Variants in ANKS1A observed in about 807,000 individuals in gnomAD.
ANKS1A encodes the protein ankyrin repeat and SAM domain-containing protein 1A.
A neutral mutation model predicts 120.3 loss-of-function variants in ANKS1A; 55 were observed. The ratio of observed to expected loss-of-function variants is 0.46; its 90% confidence interval spans 0.37 to 0.57. The LOEUF (loss-of-function observed/expected upper bound fraction) is 0.57. ANKS1A is among the 20% of genes least tolerant of loss of function. The pLI, the probability that ANKS1A is intolerant of heterozygous loss-of-function variation, is 0.00. For synonymous variants in ANKS1A, 590 were observed against 604.7 expected, an observed-to-expected ratio of 0.98 and a Z score of 0.36; for missense variants, 1,123 against 1,480.3, an observed-to-expected ratio of 0.76 and a Z score of 3.96.
intron 3 of ANKS1A, 57 bp from the exon 4 acceptor site, chr6:34,981,633 G>C (rs1453603780): frequency 2.5e-6 from 4 of 1,571,668 alleles, no homozygotes; most frequent in Non-Finnish European, 2.6e-6. Context: ...GGTTGTCCCA[G>C]TCAGGTGCCT....
At chr6:35,097,198 C>T in the ANKS1A span, among the ~76,000 whole-genome samples, 1 of 152,164 alleles carries the variant, frequency 6.6e-6, no homozygotes, top group South Asian at 2.1e-4. Flanking sequence ...TAATAGTCTA[C>T]AAGAAAAAGA....
intron 13 of ANKS1A, among the ~76,000 whole-genome samples, chr6:35,066,238 G>A (rs897995581): frequency 5.9e-5 from 9 of 152,222 alleles, no homozygotes; most frequent in Non-Finnish European, 1.2e-4. Context: ...GGAAGGTGGT[G>A]TTTTTCTGAA....
At chr6:34,991,675 TATATATACATATATACACATATATATAC>T (rs1227168216) in intron 9 of ANKS1A, among the ~76,000 whole-genome samples, 13 of 111,042 alleles carry the variant, frequency 1.2e-4, no homozygotes, top group African/African-American at 4.3e-4. Flanking sequence ...TATATACACA[TATATATACATATATACACATATATATAC>T]ATATATACAC....
chr6:35,010,398 A>C (rs770533940), intron 10 of ANKS1A, among the ~76,000 whole-genome samples: 5 of 152,226 alleles, frequency 3.3e-5, no homozygotes, highest in Non-Finnish European at 7.3e-5. Flanking sequence ...CTCATGGTTC[A>C]AGATGGCTAT....
chr6:35,028,856 A>G (rs190366121), intron 11 of ANKS1A, among the ~76,000 whole-genome samples: 1 of 152,358 alleles, frequency 6.6e-6, no homozygotes, highest in East Asian at 1.9e-4. Flanking sequence ...CATGTTACCA[A>G]GCTTTTACTG....
In ANKS1A at chr6:35,054,184, A is replaced by ATTT. The variant is rs761911795; in HGVS notation, c.2077+21_2077+23dup. ...ATCTCAGGTACCGTACTAAGTGGCC[A>ATTT]TTTTCCCCACAGAAACTGGCAGTCT... On this transcript the variant is annotated intron_variant, in intron 12 of 23. Coordinates refer to ENST00000360359, the MANE Select transcript of ANKS1A (RefSeq NM_015245.3). 1 of 1,612,414 alleles carries ATTT rather than the reference A, an allele frequency of 6.2e-7. No individual in the cohort carries two copies. The highest frequency in any genetic ancestry group is 8.5e-7 in the Non-Finnish European group (1 of 1,178,678).
chr6:35,014,958 G>A (rs1773927585), intron 10 of ANKS1A, among the ~76,000 whole-genome samples: 1 of 152,204 alleles, frequency 6.6e-6, no homozygotes, highest in Admixed American at 6.5e-5. Flanking sequence ...GCCCCACCAT[G>A]CAACATCACT....
At chr6:34,896,021 C>T (rs1485726804) in intron 1 of ANKS1A, among the ~76,000 whole-genome samples, 4 of 150,606 alleles carry the variant, frequency 2.7e-5, no homozygotes, top group African/African-American at 4.9e-5. Context: ...CCTCAGCCTC[C>T]GGAAGTGCTA....
chr6:34,981,599 T>G, intron 3 of ANKS1A, 91 bp from the exon 4 acceptor site: 1 of 1,404,056 alleles, frequency 7.1e-7, no homozygotes, highest in Non-Finnish European at 9.7e-7. Context: ...TTTTTCTCAT[T>G]TAAACTTCAG....
At chr6:35,071,816 G>A (rs1031161332) in intron 13 of ANKS1A, among the ~76,000 whole-genome samples, 1 of 152,196 alleles carries the variant, frequency 6.6e-6, no homozygotes, top group Non-Finnish European at 1.5e-5. Context: ...GCCTTCCTGC[G>A]GTCCTGCCAT....
At chr6:34,985,393 C>A in intron 8 of ANKS1A, 115 bp downstream of exon 8, 1 of 1,033,384 alleles carries the variant, frequency 9.7e-7, no homozygotes, top group Non-Finnish European at 1.4e-6. Flanking sequence ...GTTTCCGGGG[C>A]CTGGAGCCCA....
chr6:34,953,488 G>GT (rs1200422069), intron 1 of ANKS1A, among the ~76,000 whole-genome samples: 2 of 152,252 alleles, frequency 1.3e-5, no homozygotes, highest in African/African-American at 4.8e-5. Flanking sequence ...GGAAATGTCT[G>GT]TTTTTTAAAA....
At chr6:35,059,876 G>A (rs1006150239) in intron 12 of ANKS1A, among the ~76,000 whole-genome samples, 6 of 152,178 alleles carry the variant, frequency 3.9e-5, no homozygotes, top group Non-Finnish European at 4.4e-5. Context: ...ATGTGCAGCC[G>A]TGGCCCTGGA....
At chr6:34,969,009 T>C (rs1771042030) in intron 2 of ANKS1A, among the ~76,000 whole-genome samples, 1 of 152,244 alleles carries the variant, frequency 6.6e-6, no homozygotes, top group Non-Finnish European at 1.5e-5. Flanking sequence ...TTCCCATATA[T>C]AGTGGGGTAA....
chr6:35,024,564 G>A (rs138284756), intron 11 of ANKS1A, among the ~76,000 whole-genome samples: 10 of 152,368 alleles, frequency 6.6e-5, no homozygotes, highest in African/African-American at 1.9e-4. Flanking sequence ...TTTTGTATAA[G>A]ATGAGAATAA....
chr6:35,083,269 A>G, intron 19 of ANKS1A, 43 bp downstream of exon 19: 5 of 1,611,650 alleles, frequency 3.1e-6, no homozygotes, highest in South Asian at 1.1e-5. Flanking sequence ...GGGACTGGCC[A>G]GCAGAAGGCA....
At chr6:35,009,117 C>T (rs1040830761) in intron 10 of ANKS1A, among the ~76,000 whole-genome samples, 13 of 152,100 alleles carry the variant, frequency 8.5e-5, no homozygotes, top group African/African-American at 3.1e-4. Context: ...ACAGGAGCCA[C>T]GCTTCACAAA....
intron 16 of ANKS1A, 119 bp downstream of exon 16, chr6:35,080,047 A>G (rs1777590955): frequency 1.8e-6 from 2 of 1,123,680 alleles, no homozygotes; most frequent in Non-Finnish European, 2.6e-6. Flanking sequence ...AGCTCCAACA[A>G]GAAGAGAGGA....
intron 1 of ANKS1A, among the ~76,000 whole-genome samples, chr6:34,965,903 C>T (rs1581561669): frequency 6.6e-6 from 1 of 152,078 alleles, no homozygotes; most frequent in Non-Finnish European, 1.5e-5. Context: ...CACACTACCA[C>T]ACCTAGCTAA....
Sources: gnomAD v4.1 joint callset for allele counts (sites outside exome capture counted in the v4.1 genomes callset) on GRCh38, gnomAD v4.1.1 for gene constraint, MANE v1.5 for transcripts, NCBI Gene and HGNC (gene_info 2026-07-23, HGNC 2026-07-21) for gene names.